The following RRM2 variants were observed in gnomAD, a reference collection of about 807,000 sequenced individuals.
RRM2 encodes ribonucleoside-diphosphate reductase subunit M2.
A neutral mutation model predicts 45.9 loss-of-function variants in RRM2; 6 were observed. That is an observed-to-expected ratio of 0.13 (90% CI 0.07 to 0.26). The LOEUF (loss-of-function observed/expected upper bound fraction) is 0.26, where lower values mean the gene tolerates loss of function less well. RRM2 is among the 10% of genes least tolerant of loss of function. The pLI is 1.00. For missense variants in RRM2, 343 were observed against 489.5 expected (o/e 0.70, Z 2.82); for synonymous variants, 177 against 173.0 (o/e 1.02, Z -0.18).
upstream of RRM2, among the ~76,000 whole-genome samples, chr2:10,137,380 G>A (rs1205739046): frequency 2.0e-5 from 3 of 152,234 alleles, no homozygotes; most frequent in African/African-American, 7.2e-5. Context: ...TGAGTCATAT[G>A]GAAGGGTTTG....
chr2:10,139,846 C>T (rs866948305), upstream of RRM2, among the ~76,000 whole-genome samples: 1 of 152,234 alleles, frequency 6.6e-6, no homozygotes, highest in Non-Finnish European at 1.5e-5. Flanking sequence ...CTTCCTCCAC[C>T]CCTGGATCCT....
At position 10,129,580 on chromosome 2, in the gene RRM2, G is replaced by A; in HGVS notation, c.*194G>A. On this transcript the variant is annotated 3_prime_UTR_variant, in exon 10 of 10. Transcript: ENST00000304567. This position sits in a 1 kb window ranked among gnomAD's most constrained non-coding sequence, Gnocchi z 4.8. The stretch of plus-strand genomic sequence containing the variant: ...CTGGTAGTATCACCTTTTGCCAGAA[G>A]GCCTGGCTGGCTGTGACTTACCATA... 6.5e-6 allele frequency: 4 copies of A among 610,840 alleles called. No homozygotes were observed. The highest frequency in any genetic ancestry group is 1.1e-5 in the Non-Finnish European group (4 of 359,936). 37.8% of individuals were successfully genotyped at this position (610,840 alleles called of 1,614,324 possible). A position where few individuals can be genotyped will look rare whatever the true frequency, so the allele number is the denominator to read the frequency against.
chr2:10,136,814 C>T (rs1662996572), upstream of RRM2, among the ~76,000 whole-genome samples: 1 of 152,098 alleles, frequency 6.6e-6, no homozygotes, highest in African/African-American at 2.4e-5. Context: ...AGTCTAGTCT[C>T]CATGCAACCA....
intron 3 of RRM2, among the ~76,000 whole-genome samples, chr2:10,186,650 T>G (rs889254372): frequency 6.6e-6 from 1 of 152,188 alleles, no homozygotes; most frequent in African/African-American, 2.4e-5. Context: ...ATGGGTCTCA[T>G]AGTTGAGCAG....
At chr2:10,181,016 C>A (rs1360291016) in intron 3 of RRM2, among the ~76,000 whole-genome samples, 3 of 152,196 alleles carry the variant, frequency 2.0e-5, no homozygotes, top group Admixed American at 2.0e-4. Flanking sequence ...ATCTACCTGC[C>A]TCAGCCTCCC....
chr2:10,124,494 T>C (rs1315854200), intron 4 of RRM2, among the ~76,000 whole-genome samples: 4 of 152,196 alleles, frequency 2.6e-5, no homozygotes, highest in Non-Finnish European at 5.9e-5. Context: ...CATAAATTAA[T>C]TAGGAAATCG....
intron 3 of RRM2, among the ~76,000 whole-genome samples, chr2:10,178,853 A>G (rs567574256): frequency 9.9e-5 from 15 of 152,282 alleles, no homozygotes; most frequent in East Asian, 5.8e-4. Context: ...TGCCCTTATA[A>G]GAGAGGTGAA....
At chr2:10,128,108 T>C (rs982113240) in intron 7 of RRM2, among the ~76,000 whole-genome samples, 3 of 152,012 alleles carry the variant, frequency 2.0e-5, no homozygotes, top group Non-Finnish European at 2.9e-5. Context: ...GAGGTTGCAG[T>C]GAGTCAAGAT....
intron 3 of RRM2, among the ~76,000 whole-genome samples, chr2:10,193,043 C>T (rs899755174): frequency 1.3e-5 from 2 of 152,190 alleles, no homozygotes; most frequent in African/African-American, 4.8e-5. Flanking sequence ...CTCTGAGCAG[C>T]CCCTAGTCTT....
rs1036993964 is a variant in RRM2 at position 10,128,714 on chromosome 2, T to C, written c.799-134T>C. The stretch of plus-strand genomic sequence containing the variant: ...GTCAGTAGTTGAAGTCATCTTCCCT[T>C]TGAGAGTTCAAGTGCTCTCAGTATG... On this transcript the variant is annotated intron_variant, in intron 7 of 9. Transcript: ENST00000304567. 8.8e-5 allele frequency: 59 copies of C among 673,930 alleles called. No homozygotes were observed. In the African/African-American group the frequency reaches 9.4e-4, roughly 11 times the overall value. The allele number at this position is 673,930 out of a possible 1,614,324, so 41.7% of individuals were successfully genotyped here.
exon 4 of RRM2, chr2:10,210,535 G>C (rs755862246): frequency 6.6e-6 from 9 of 1,367,048 alleles, no homozygotes; most frequent in South Asian, 1.1e-5. Context: ...CCTTTCACTG[G>C]ACTCCACACA....
At chr2:10,152,938 A>G (rs1370714443) in intron 3 of RRM2, among the ~76,000 whole-genome samples, 2 of 152,228 alleles carry the variant, frequency 1.3e-5, no homozygotes, top group African/African-American at 2.4e-5. Context: ...GACCAAAGGA[A>G]ATTATATCAC....
At chr2:10,150,230 G>A (rs1663278149) in intron 3 of RRM2, among the ~76,000 whole-genome samples, 1 of 152,074 alleles carries the variant, frequency 6.6e-6, no homozygotes, top group Non-Finnish European at 1.5e-5. Flanking sequence ...GGTGGATCAC[G>A]AGGTCAGGAG....
intron 3 of RRM2, among the ~76,000 whole-genome samples, chr2:10,194,912 T>G (rs370570885): frequency 6.6e-6 from 1 of 152,318 alleles, no homozygotes; most frequent in East Asian, 1.9e-4. Context: ...GTGCCTGATC[T>G]TGGGCAAGTT....
chr2:10,199,673 G>T (rs368497682), intron 3 of RRM2, among the ~76,000 whole-genome samples: 56 of 151,452 alleles, frequency 3.7e-4, no homozygotes, highest in African/African-American at 9.9e-4. Context: ...CCAGCTACTC[G>T]GGAGGCTGAG....
Position 10,185,765 on chromosome 2 carries a change from A to T in RRM2, n.483-24546A>T, listed in dbSNP as rs1572524135. On this transcript the variant is annotated intron_variant and non_coding_transcript_variant, in intron 3 of 3. Transcript: ENST00000381786. This position sits in a 1 kb window ranked among gnomAD's most constrained non-coding sequence, Gnocchi z 4.3. ...CTTTGTCTCCTTTCCCCCACCCTTC[A>T]CCTCCCCTCTCTGTTCTCCCCAGTC... Among the ~76,000 whole-genome samples the T allele has an allele frequency of 7.4e-6, 1 of 135,314 alleles. No individual in the cohort carries two copies. Among genetic ancestry groups the T allele is most frequent in the Non-Finnish European group, 1.6e-5 (1 of 63,584 alleles). 88.8% of individuals were successfully genotyped at this position (135,314 alleles called of 152,430 possible). A position where few individuals can be genotyped will look rare whatever the true frequency, so the allele number is the denominator to read the frequency against.
Position 10,203,320 on chromosome 2 carries a change from C to T in RRM2, n.483-6991C>T, listed in dbSNP as rs541247112. Among the ~76,000 whole-genome samples, 9 of 152,314 alleles carry T rather than the reference C, an allele frequency of 5.9e-5. No homozygotes were observed. In the South Asian group the frequency reaches 8.3e-4, roughly 14 times the overall value. On this transcript the variant is annotated intron_variant and non_coding_transcript_variant, in intron 3 of 3. Transcript: ENST00000381786. Reference sequence around the variant, plus strand: ...GGCTGGCCTGGCTGCTCCTGTTTCCCGACTGCCACCCACTAGCTGTGTGAC... The same window carrying T: ...GGCTGGCCTGGCTGCTCCTGTTTCCTGACTGCCACCCACTAGCTGTGTGAC...
chr2:10,190,342 G>T (rs1188143879), intron 3 of RRM2, among the ~76,000 whole-genome samples: 3 of 145,574 alleles, frequency 2.1e-5, no homozygotes, highest in Admixed American at 6.8e-5. Flanking sequence ...TGATGATGGT[G>T]GTGAGGATGG....
At chr2:10,200,457 GGACCGCGCGCGCAAAATATGAGGCC>G (rs1664531664) in intron 3 of RRM2, among the ~76,000 whole-genome samples, 1 of 120,506 alleles carries the variant, frequency 8.3e-6, no homozygotes, top group East Asian at 2.8e-4. Flanking sequence ...AGGCCCACAG[GGACCGCGCGCGCAAAATATGAGGCC>G]CACAGGCACC....
Sources: allele counts gnomAD v4.1 joint callset (sites outside exome capture counted in the v4.1 genomes callset), GRCh38; gene constraint gnomAD v4.1.1; non-coding constraint Gnocchi (gnomAD v3.1); transcripts MANE v1.5; gene names NCBI Gene and HGNC (gene_info 2026-07-23, HGNC 2026-07-21).